THBS3: variants seen among roughly 807,000 people sequenced by gnomAD.
The protein encoded by THBS3 is thrombospondin 3, also known as thrombospondin-3.
Under a neutral mutation model 118.3 loss-of-function variants are expected in THBS3, and 78 were observed. The ratio of observed to expected loss-of-function variants is 0.66; its 90% CI spans 0.55 to 0.80. The LOEUF is 0.80. Among genes scored for constraint, THBS3 ranks in the 30% least tolerant of loss-of-function variants. THBS3 has a pLI of 0.00. For synonymous variants in THBS3, 427 were observed against 475.3 expected (o/e 0.90, Z 1.32); for missense variants, 1,057 against 1,247.4 (o/e 0.85, Z 2.30).
rs765259442 is a variant in THBS3, at chr1:155,203,117, G to A, written c.777C>T (p.Ile259=). Residue 259 remains isoleucine, a synonymous_variant, in exon 7 of 23, where the codon ATC becomes ATT. Transcript: ENST00000368378. ...IRDQVKEMSL[I]RNTIMECQVC... ...CCTGACACTCCATAATGGTGTTTCGGATCAGGGACATTTCCTTCACCTGGA... is the reference window on the plus strand; with the variant it reads ...CCTGACACTCCATAATGGTGTTTCGAATCAGGGACATTTCCTTCACCTGGA... 2.5e-6 allele frequency: 4 copies of A among 1,614,182 alleles called. No individual in the cohort carries two copies. The highest frequency in any genetic ancestry group is 2.2e-5 in the South Asian group (2 of 91,078).
Position 155,206,464 on chromosome 1 carries a change from T to C in THBS3, c.80-58A>G. ...TGGGATCAAATGCTAAGGTATGCCC[T>C]CCCCCGAGCCCACATCACCCCCTAC... On this transcript the variant is annotated intron_variant, in intron 1 of 22. Coordinates refer to ENST00000368378, the MANE Select transcript of THBS3 (RefSeq NM_007112.5). This position sits in a 1 kb window ranked among gnomAD's most constrained non-coding sequence, Gnocchi z 4.2. The C allele has an allele frequency of 2.0e-6, 3 of 1,501,802 alleles. No homozygotes were observed. Among genetic ancestry groups the C allele is most frequent in the South Asian group, 1.2e-5 (1 of 86,080 alleles). 93.0% of individuals were successfully genotyped at this position (1,501,802 alleles called of 1,614,324 possible).
chr1:155,203,233 A>G lies in THBS3; in HGVS notation c.746T>C (p.Ile249Thr). The G allele has an allele frequency of 2.5e-6, 4 of 1,614,176 alleles. No homozygotes were observed. In the Admixed American group the frequency reaches 5.0e-5, roughly 20 times the overall value. ...NQILVELRDD[I>T]RDQVKEMSLI... ...CCAGCCCACCCAAACCTGGTCTCGT[A>G]TATCATCCCGCAGCTCCACCAGGAT... The change falls in exon 6 of 23, where the codon ATA (isoleucine) becomes ACA (threonine). Residue 249 changes from isoleucine (I) to threonine (T), a missense_variant. Coordinates refer to ENST00000368378, the MANE Select transcript of THBS3 (RefSeq NM_007112.5).
chr1:155,201,260 A>G, intron 11 of THBS3, 56 bp from the exon 12 acceptor site: 3 of 1,608,322 alleles, frequency 1.9e-6, no homozygotes, highest in Non-Finnish European at 2.6e-6. Context: ...CCTCCTCCCT[A>G]TATTTTCCCT....
chr1:155,203,471 TC>T, intron 5 of THBS3, 41 bp downstream of exon 5: 1 of 1,611,502 alleles, frequency 6.2e-7, no homozygotes, highest in Non-Finnish European at 8.5e-7. Flanking sequence ...GCCTGGGGCC[TC>T]CTCCCCGCTC....
intron 2 of THBS3, 200 bp from the exon 3 acceptor site, chr1:155,205,516 A>T (rs1208982150): frequency 1.4e-6 from 1 of 705,758 alleles, no homozygotes; most frequent in Non-Finnish European, 2.3e-6. Flanking sequence ...GGTGGCTCAC[A>T]CCTGTAATCC....
At chr1:155,208,770 A>C (rs951001345), upstream of THBS3, 9 of 1,244,348 alleles carry the variant, frequency 7.2e-6, no homozygotes, top group Non-Finnish European at 9.3e-6. Context: ...CAGGCGGCGC[A>C]GGGCCCGCTC....
At position 155,195,832 on chromosome 1, in the gene THBS3, G is replaced by T. The variant is rs1668564612; in HGVS notation, c.*9C>A. 1 of 1,613,578 alleles carries T rather than the reference G, an allele frequency of 6.2e-7. No individual in the cohort carries two copies. ...AAAATTCTGAATTCTGAATCTGGTGGCCTCCTCCTCACACCCTTCCCTGGA... is the reference window on the plus strand; with the variant it reads ...AAAATTCTGAATTCTGAATCTGGTGTCCTCCTCCTCACACCCTTCCCTGGA... On this transcript the variant is annotated 3_prime_UTR_variant, in exon 23 of 23. Transcript: ENST00000368378.
upstream of THBS3, among the ~76,000 whole-genome samples, chr1:155,208,518 A>T (rs933124983): frequency 6.6e-6 from 1 of 152,242 alleles, no homozygotes; most frequent in Non-Finnish European, 1.5e-5. Context: ...AAACCAAAAA[A>T]GAGGAAAGGG....
rs1670620519 is a variant in THBS3, at chr1:155,206,858, A to G, written c.80-452T>C. Among the ~76,000 whole-genome samples, 1 of 151,952 alleles carries G rather than the reference A, an allele frequency of 6.6e-6. No individual in the cohort carries two copies. Among genetic ancestry groups the G allele is most frequent in the African/African-American group, 2.4e-5 (1 of 41,352 alleles). ...ACTCCATCTCAAAAAGACAAAACGA[A>G]AACAAAAAAAAACCTCAACCCTTGT... On this transcript the variant is annotated intron_variant, in intron 1 of 22. Transcript: ENST00000368378. The surrounding 1 kb of genome is among the most constrained non-coding windows in gnomAD (Gnocchi z 4.2).
intron 10 of THBS3, 94 bp from the exon 11 acceptor site, chr1:155,201,663 C>G: frequency 7.3e-7 from 1 of 1,377,368 alleles, no homozygotes; most frequent in South Asian, 1.3e-5. Flanking sequence ...GGGCTGGGCA[C>G]TCAGTTATGC....
chr1:155,197,848 G>A lies in THBS3; in HGVS notation c.2302+32C>T. 6.2e-7 allele frequency: 1 copy of A among 1,613,844 alleles called. No homozygotes were observed. Among genetic ancestry groups the A allele is most frequent in the South Asian group, 1.1e-5 (1 of 91,078 alleles). Reference sequence around the variant, plus strand: ...CTGCCCCTATAGGATTCCTCCATTTGGAAGTGATTGAACTGCATATCCCTT... The same window carrying A: ...CTGCCCCTATAGGATTCCTCCATTTAGAAGTGATTGAACTGCATATCCCTT... On this transcript the variant is annotated intron_variant, in intron 19 of 22. Transcript: ENST00000368378. This position sits in a 1 kb window ranked among gnomAD's most constrained non-coding sequence, Gnocchi z 5.0.
At position 155,207,680 on chromosome 1, in the gene THBS3, T is replaced by G. The variant is rs745866297; in HGVS notation, c.79+118A>C. 92 of 1,104,948 alleles carry G rather than the reference T, an allele frequency of 8.3e-5. No individual in the cohort carries two copies. The Admixed American group carries it at 9.0e-4, about 11-fold the overall frequency. 68.4% of individuals were successfully genotyped at this position (1,104,948 alleles called of 1,614,324 possible). A position where few individuals can be genotyped will look rare whatever the true frequency, so the allele number is the denominator to read the frequency against. The stretch of plus-strand genomic sequence containing the variant: ...AACTCTAGGCAGTCTTAAGTTTTCC[T>G]CTGGCTCAATTTCTGGACTCTTCCC... On this transcript the variant is annotated intron_variant, in intron 1 of 22. Transcript: ENST00000368378.
chr1:155,197,588 C>T lies in THBS3; in HGVS notation c.2374G>A (p.Ala792Thr), dbSNP rs373394781. Residue 792 changes from alanine to threonine, a missense_variant, in exon 20 of 23, where the codon GCA becomes ACA. Around this residue, in one of 3 missense-constraint regions of THBS3, gnomAD observed 307 missense variants for 326.1 expected, o/e 0.94. Coordinates refer to ENST00000368378, the MANE Select transcript of THBS3 (RefSeq NM_007112.5). The surrounding 1 kb of genome is among the most constrained non-coding windows in gnomAD (Gnocchi z 5.0). ...TCTTGATAACTGAAGAGAAAGCCTG[C>T]GTAGTCATCATCAGTCACTGTGTTC... ...HVNTVTDDDY[A>T]GFLFSYQDSG... The T allele has an allele frequency of 1.8e-5, 29 of 1,604,776 alleles. No individual in the cohort carries two copies. Among genetic ancestry groups the T allele is most frequent in the Middle Eastern group, 1.7e-4 (1 of 6,038 alleles).
rs1403958183 is a variant in THBS3 at position 155,199,824 on chromosome 1, GAC to G, written c.1858_1859del (p.Val620LeufsTer2). On this transcript the variant is annotated frameshift_variant, in exon 16 of 23. Transcript: ENST00000368378. LOFTEE classifies it high-confidence loss of function. ...CTTACCTGTCTTCATTAGTATCACA[GAC>G]ATCCCCCACCAGGTCGCTGTCTGCA... ...TDADSDLVGD[V>X]CDTNEDSDGD... The G allele has an allele frequency of 6.2e-7, 1 of 1,614,204 alleles. No homozygotes were observed.
Position 155,203,111 on chromosome 1 carries a change from G to T in THBS3, c.783C>A (p.Asn261Lys). ...CGCACACCTGACACTCCATAATGGT[G>T]TTTCGGATCAGGGACATTTCCTTCA... is the stretch of plus-strand genomic sequence containing the variant. Reference protein sequence around the residue: ...DQVKEMSLIRNTIMECQVCGF... With the variant: ...DQVKEMSLIRKTIMECQVCGF... The change falls in exon 7 of 23, where the codon AAC (asparagine) becomes AAA (lysine). Residue 261 changes from asparagine (N) to lysine (K), a missense_variant. Around this residue, in one of 3 missense-constraint regions of THBS3, gnomAD observed 544 missense variants for 715.6 expected, o/e 0.76. Coordinates refer to ENST00000368378, the MANE Select transcript of THBS3 (RefSeq NM_007112.5). The T allele has an allele frequency of 6.2e-7, 1 of 1,614,236 alleles. No homozygotes were observed. The highest frequency in any genetic ancestry group is 8.5e-7 in the Non-Finnish European group (1 of 1,180,034).
chr1:155,204,463 G>A (rs575716570), intron 4 of THBS3, among the ~76,000 whole-genome samples: 10 of 152,024 alleles, frequency 6.6e-5, no homozygotes, highest in African/African-American at 2.4e-4. Flanking sequence ...GGTGGAGGGC[G>A]CCTGTAATCC....
At chr1:155,208,823 C>A (rs377309496), upstream of THBS3, 55 of 1,574,014 alleles carry the variant, frequency 3.5e-5, no homozygotes, top group Non-Finnish European at 3.4e-5. Context: ...CGGGGGACCC[C>A]CCCGCAGTCC....
chr1:155,195,911 G>T lies in THBS3; in HGVS notation c.2813-12C>A. 6.2e-7 allele frequency: 1 copy of T among 1,614,188 alleles called. No individual in the cohort carries two copies. The highest frequency in any genetic ancestry group is 2.2e-5 in the East Asian group (1 of 44,884). ...CTCAGGCACTGTGTCTGAAGAAGGG[G>T]AAATAAGTAAGGTCAGAGGATGTGG... On this transcript the variant is annotated splice_polypyrimidine_tract_variant and intron_variant, in intron 22 of 22. Transcript: ENST00000368378.
rs371174040 is a variant in THBS3, at chr1:155,195,799, A to T, written c.*42T>A. 1.2e-5 allele frequency: 19 copies of T among 1,607,992 alleles called. No individual in the cohort carries two copies. Among genetic ancestry groups the T allele is most frequent in the Non-Finnish European group, 1.5e-5 (18 of 1,178,268 alleles). ...GTCTCCAGGATGGACCCCAAGGCCA[A>T]AGGGTCTAAAATTCTGAATTCTGAA... On this transcript the variant is annotated 3_prime_UTR_variant, in exon 23 of 23. Transcript: ENST00000368378.
Sources: allele counts gnomAD v4.1 joint callset (sites outside exome capture counted in the v4.1 genomes callset), GRCh38; gene constraint gnomAD v4.1.1; regional missense constraint gnomAD v4.1.1; non-coding constraint Gnocchi (gnomAD v3.1); transcripts MANE v1.5; gene names NCBI Gene and HGNC (gene_info 2026-07-23, HGNC 2026-07-21).